MAGI1: variants seen among roughly 807,000 people sequenced by gnomAD.
MAGI1 encodes membrane associated guanylate kinase, WW and PDZ domain containing 1.
MAGI1 carries 58 observed loss-of-function variants against 139.9 expected under a neutral mutation model. The observed-to-expected ratio is 0.41, with a 90% CI of 0.34 to 0.52. MAGI1 has a LOEUF of 0.52. Ranked by LOEUF, MAGI1 falls within the 20% of genes least tolerant of loss-of-function variation. MAGI1 has a pLI of 0.12. For synonymous variants in MAGI1, 812 were observed against 737.9 expected, an observed-to-expected ratio of 1.10 and a Z score of -1.63; for missense variants, 1,874 against 1,901.6, an observed-to-expected ratio of 0.99 and a Z score of 0.27.
rs139364430 is a variant in MAGI1, at chr3:65,639,124, T to C, written c.314-17036A>G. Among the ~76,000 whole-genome samples, 36 of 152,336 alleles carry C rather than the reference T, an allele frequency of 2.4e-4. No individual in the cohort carries two copies. The East Asian group carries it at 6.2e-3, about 26-fold the overall frequency. On this transcript the variant is annotated intron_variant, in intron 1 of 22. Transcript: ENST00000402939. ...AGTACTAACAGAAGTGTCTTTTCATTTGTTAAGTTTCTATTCAAATTGTTC... is the reference window on the plus strand; with the variant it reads ...AGTACTAACAGAAGTGTCTTTTCATCTGTTAAGTTTCTATTCAAATTGTTC...
intron 1 of MAGI1, among the ~76,000 whole-genome samples, chr3:65,870,911 G>A (rs575682096): frequency 6.6e-6 from 1 of 151,832 alleles, no homozygotes; most frequent in South Asian, 2.1e-4. Flanking sequence ...ATTGAGATGA[G>A]ACTCCATCTC....
At chr3:65,713,662 C>T (rs1426926629) in intron 1 of MAGI1, among the ~76,000 whole-genome samples, 2 of 152,114 alleles carry the variant, frequency 1.3e-5, no homozygotes, top group Admixed American at 1.3e-4. Flanking sequence ...CAAGTCCTGG[C>T]TCCATTACTC....
At chr3:65,810,022 A>T (rs927396196) in intron 1 of MAGI1, among the ~76,000 whole-genome samples, 1 of 151,594 alleles carries the variant, frequency 6.6e-6, no homozygotes, top group Non-Finnish European at 1.5e-5. Context: ...ACAGACACAC[A>T]CTTCTCTATC....
chr3:65,978,085 C>T (rs1170640969), intron 1 of MAGI1, among the ~76,000 whole-genome samples: 1 of 152,192 alleles, frequency 6.6e-6, no homozygotes, highest in East Asian at 1.9e-4. Context: ...CATATGTGTG[C>T]ACACAAGATG....
At chr3:65,489,739 C>T (rs985535000) in intron 3 of MAGI1, among the ~76,000 whole-genome samples, 8 of 152,082 alleles carry the variant, frequency 5.3e-5, no homozygotes, top group South Asian at 2.1e-4. Context: ...GTGAAGTAAA[C>T]GAGATATACA....
At chr3:65,446,100 T>C (rs962395030) in intron 7 of MAGI1, among the ~76,000 whole-genome samples, 2 of 152,156 alleles carry the variant, frequency 1.3e-5, no homozygotes, top group Non-Finnish European at 2.9e-5. Flanking sequence ...TTCTATAATA[T>C]AGAACACATT....
At chr3:65,707,384 G>C (rs79577191) in intron 1 of MAGI1, among the ~76,000 whole-genome samples, 18,476 of 152,130 alleles carry the variant, frequency 0.12, 1,475 homozygotes, top group Non-Finnish European at 0.19. Flanking sequence ...GTGCAGCCTC[G>C]CCTCCCCGAG....
chr3:65,462,257 A>G (rs1177116954), intron 5 of MAGI1, among the ~76,000 whole-genome samples: 1 of 152,186 alleles, frequency 6.6e-6, no homozygotes, highest in Non-Finnish European at 1.5e-5. Flanking sequence ...TTTAGGTCTT[A>G]TGTTTAAGTC....
rs377323533 is a variant in MAGI1, at chr3:65,820,303, G to A, written c.314-198215C>T. 2.6e-5 allele frequency among the ~76,000 whole-genome samples: 4 copies of A among 152,130 alleles called. No homozygotes were observed. In the East Asian group the frequency reaches 5.8e-4, roughly 22 times the overall value. ...GAGACCCTGGTGCTTTTCTGCTACA[G>A]TTTTAGAAGCTTGTTCATTCATTAT... On this transcript the variant is annotated intron_variant, in intron 1 of 22. Coordinates refer to ENST00000402939, the MANE Select transcript of MAGI1 (RefSeq NM_001033057.2).
At chr3:65,535,519 G>T (rs991138587) in intron 2 of MAGI1, among the ~76,000 whole-genome samples, 1 of 152,136 alleles carries the variant, frequency 6.6e-6, no homozygotes, top group African/African-American at 2.4e-5. Flanking sequence ...AGGGAACAAG[G>T]ACTCAGTGAA....
intron 18 of MAGI1, 51 bp downstream of exon 18, chr3:65,375,694 C>CAG (rs202007900): frequency 4.3e-6 from 6 of 1,390,490 alleles, no homozygotes; most frequent in Non-Finnish European, 4.1e-6. Flanking sequence ...AAGACAGAGA[C>CAG]AGAGAGAGAG....
chr3:65,919,156 T>C lies in MAGI1; in HGVS notation c.313+118840A>G, dbSNP rs372944849. ...GCTTTTCCTTTGGAGAACACTAAAC[T>C]AATTTCATTGAATTTGAGGGAGCTT... is the stretch of plus-strand genomic sequence containing the variant. On this transcript the variant is annotated intron_variant, in intron 1 of 22. Transcript: ENST00000402939. Among the ~76,000 whole-genome samples the C allele has an allele frequency of 2.1e-4, 32 of 152,352 alleles. No homozygotes were observed. The South Asian group carries it at 3.1e-3, about 15-fold the overall frequency.
At chr3:65,450,515 G>A (rs971665248) in intron 6 of MAGI1, among the ~76,000 whole-genome samples, 2 of 152,168 alleles carry the variant, frequency 1.3e-5, no homozygotes, top group African/African-American at 4.8e-5. Flanking sequence ...AATGGAGACA[G>A]GAAACACTTT....
At chr3:65,881,791 C>CT (rs1052080664) in intron 1 of MAGI1, among the ~76,000 whole-genome samples, 4 of 151,980 alleles carry the variant, frequency 2.6e-5, no homozygotes, top group African/African-American at 4.8e-5. Flanking sequence ...CATCCAAGCA[C>CT]TTTTTTTTAG....
At chr3:65,490,567 C>G (rs1366704959) in intron 3 of MAGI1, among the ~76,000 whole-genome samples, 1 of 152,058 alleles carries the variant, frequency 6.6e-6, no homozygotes, top group Non-Finnish European at 1.5e-5. Context: ...CCATCTCGGC[C>G]AGGCTCGGTG....
intron 1 of MAGI1, among the ~76,000 whole-genome samples, chr3:65,932,159 C>T (rs2062833464): frequency 1.3e-5 from 2 of 152,192 alleles, no homozygotes; most frequent in South Asian, 4.1e-4. Context: ...ATGCCTTGAA[C>T]TTGCACTCTT....
intron 3 of MAGI1, among the ~76,000 whole-genome samples, chr3:65,486,388 C>T (rs527271870): frequency 6.6e-6 from 1 of 152,160 alleles, no homozygotes; most frequent in Admixed American, 6.5e-5. Flanking sequence ...CCACCCTCCA[C>T]TGAATAGTTC....
intron 12 of MAGI1, among the ~76,000 whole-genome samples, chr3:65,408,722 T>G (rs747897445): frequency 3.3e-5 from 5 of 152,232 alleles, no homozygotes; most frequent in Non-Finnish European, 7.3e-5. Flanking sequence ...CTGTTCTCTC[T>G]GTACCAATAA....
intron 1 of MAGI1, among the ~76,000 whole-genome samples, chr3:65,629,302 G>A (rs2084154253): frequency 6.6e-6 from 1 of 152,156 alleles, no homozygotes; most frequent in African/African-American, 2.4e-5. Context: ...AATTCCCTGT[G>A]TGTATTCCAT....
Sources: allele counts gnomAD v4.1 joint callset (sites outside exome capture counted in the v4.1 genomes callset), GRCh38; gene constraint gnomAD v4.1.1; transcripts MANE v1.5; gene names NCBI Gene and HGNC (gene_info 2026-07-23, HGNC 2026-07-21).